Variants in SYNE1 observed in about 807,000 individuals in gnomAD.
SYNE1 encodes nesprin-1.
In SYNE1, 616 loss-of-function variants were observed where a neutral mutation model predicts 1,111.0. The ratio of observed to expected loss-of-function variants is 0.55; its 90% CI spans 0.52 to 0.59. The LOEUF (loss-of-function observed/expected upper bound fraction) is 0.59, where lower values mean the gene tolerates loss of function less well. Among genes scored for constraint, SYNE1 ranks in the 20% least tolerant of loss-of-function variants. SYNE1 has a pLI of 0.00. For synonymous variants in SYNE1, 3,855 were observed against 3,825.8 expected, an observed-to-expected ratio of 1.01 and a Z score of -0.28; for missense variants, 10,006 against 10,417.0, an observed-to-expected ratio of 0.96 and a Z score of 1.72.
rs150902491 is a variant in SYNE1 at position 152,330,386 on chromosome 6, C to T, written c.14299G>A (p.Glu4767Lys). The T allele has an allele frequency of 7.4e-6, 12 of 1,614,156 alleles. No individual in the cohort carries two copies. Among genetic ancestry groups the T allele is most frequent in the South Asian group, 1.1e-5 (1 of 91,084 alleles). The change falls in exon 78 of 146, where the codon GAA (glutamate) becomes AAA (lysine). Residue 4767 changes from glutamate to lysine, a missense_variant. Physicochemically the swap from Glu to Lys is moderately conservative, Grantham distance 56. Transcript: ENST00000367255. The stretch of plus-strand genomic sequence containing the variant: ...TCTTCTAATAAGCTAACCCTCTGTT[C>T]TGTTTGTCGCTTCAGCCTGTGATAT... ...TLYHRLKRQT[E>K]QRVSLLEDTT... is the part of the protein sequence containing the mutation.
In SYNE1 at chr6:152,399,662, G is replaced by A; in HGVS notation, c.7191C>T (p.Ser2397=). ...ATTCCTGCAGGCTGGCCTGGGTTTT[G>A]GAGCACAACTGGCTCACGGCTTCAT... is the stretch of plus-strand genomic sequence containing the variant. ...KKHEAVSQLC[S]KTQASLQESL... Residue 2397 remains serine (S), a synonymous_variant, in exon 48 of 146, where the codon TCC becomes TCT. Transcript: ENST00000367255. The A allele has an allele frequency of 1.2e-6, 2 of 1,614,100 alleles. No homozygotes were observed.
Position 152,213,701 on chromosome 6 carries a change from T to A in SYNE1, c.22405A>T (p.Met7469Leu). Residue 7469 changes from methionine (M) to leucine (L), a missense_variant, in exon 123 of 146, where the codon ATG becomes TTG. Around this residue, in one of 7 missense-constraint regions of SYNE1, gnomAD observed 2,182 missense variants for 2,287.8 expected, o/e 0.95. Transcript: ENST00000367255. ...QTFLEKCETW[M>L]EFLVQTEQKL... ...TGTTCTGTCTGAACTAGGAATTCCATCCATGTTTCACATTTTTCCAAGAAA... is the reference window on the plus strand; with the variant it reads ...TGTTCTGTCTGAACTAGGAATTCCAACCATGTTTCACATTTTTCCAAGAAA... 6.2e-7 allele frequency: 1 copy of A among 1,614,154 alleles called. No individual in the cohort carries two copies.
intron 61 of SYNE1, 86 bp from the exon 62 acceptor site, chr6:152,367,468 C>T: frequency 6.6e-7 from 1 of 1,507,756 alleles, no homozygotes; most frequent in Middle Eastern, 1.7e-4. Context: ...CAAAGGCAAT[C>T]AGTCATGGCT....
intron 81 of SYNE1, among the ~76,000 whole-genome samples, chr6:152,324,499 A>G (rs935445429): frequency 1.2e-4 from 19 of 152,206 alleles, no homozygotes; most frequent in African/African-American, 4.6e-4. Context: ...CAAGGCCGTT[A>G]AGAAAGCAAA....
chr6:152,598,791 T>C (rs1565096746), intron 3 of SYNE1, among the ~76,000 whole-genome samples: 1 of 152,222 alleles, frequency 6.6e-6, no homozygotes, highest in African/African-American at 2.4e-5. Context: ...ATACATTCAA[T>C]ATGTGATCTA....
At chr6:152,566,839 T>C (rs1399101755) in intron 3 of SYNE1, among the ~76,000 whole-genome samples, 1 of 152,224 alleles carries the variant, frequency 6.6e-6, no homozygotes, top group East Asian at 1.9e-4. Flanking sequence ...TTTGTGGCAC[T>C]GCCAAGCATC....
chr6:152,201,715 A>G lies in SYNE1; in HGVS notation c.23145+109T>C, dbSNP rs2075491668. ...GCCTGTCCTTATGTCATATACTAGG[A>G]TCTTGTATCTGCATGTAGATAACCT... On this transcript the variant is annotated intron_variant, in intron 127 of 145. Transcript: ENST00000367255. 5 of 1,525,712 alleles carry G rather than the reference A, an allele frequency of 3.3e-6. No individual in the cohort carries two copies. In the Admixed American group the frequency reaches 5.0e-5, roughly 15 times the overall value. 94.5% of individuals were successfully genotyped at this position (1,525,712 alleles called of 1,614,324 possible). A position where few individuals can be genotyped will look rare whatever the true frequency, so the allele number is the denominator to read the frequency against.
intron 10 of SYNE1, among the ~76,000 whole-genome samples, chr6:152,501,799 A>G (rs1311532832): frequency 2.6e-5 from 4 of 152,218 alleles, no homozygotes; most frequent in Non-Finnish European, 4.4e-5. Context: ...TCATAAAAGC[A>G]TTGCTTATAA....
intron 3 of SYNE1, among the ~76,000 whole-genome samples, chr6:152,567,028 C>A (rs1466211965): frequency 7.1e-6 from 1 of 141,042 alleles, no homozygotes; most frequent in African/African-American, 2.7e-5. Context: ...TGTGTGTATG[C>A]GTGTGTGGCA....
chr6:152,352,068 T>C lies in SYNE1; in HGVS notation c.11539A>G (p.Met3847Val), dbSNP rs1313484267. ...TGAGCTTTTTTCTCATATAATTCCA[T>C]TTTGGGTTCTTCAGGAACATGTAGA... ...EILHVPEEPK[M>V]ELYEKKAQLS... The change falls in exon 70 of 146, where the codon ATG (methionine) becomes GTG (valine). Residue 3847 changes from methionine (M) to valine (V), a missense_variant. Physicochemically the swap from Met to Val is conservative, Grantham distance 21. Coordinates refer to ENST00000367255, the MANE Select transcript of SYNE1 (RefSeq NM_182961.4). The C allele has an allele frequency of 6.2e-7, 1 of 1,614,088 alleles. No homozygotes were observed. The highest frequency in any genetic ancestry group is 8.5e-7 in the Non-Finnish European group (1 of 1,180,032).
At chr6:152,476,874 A>AG (rs2098837946) in intron 14 of SYNE1, among the ~76,000 whole-genome samples, 1 of 146,254 alleles carries the variant, frequency 6.8e-6, no homozygotes, top group African/African-American at 2.5e-5. Flanking sequence ...ATCTAAAAAA[A>AG]AAAAAAAGAA....
intron 32 of SYNE1, among the ~76,000 whole-genome samples, chr6:152,438,154 TA>T (rs2098492060): frequency 6.6e-6 from 1 of 152,224 alleles, no homozygotes; most frequent in East Asian, 1.9e-4. Flanking sequence ...GTCACAACAT[TA>T]AATTCTTTGG....
intron 11 of SYNE1, among the ~76,000 whole-genome samples, chr6:152,497,476 G>A (rs2099005931): frequency 6.6e-6 from 1 of 152,148 alleles, no homozygotes; most frequent in Non-Finnish European, 1.5e-5. Flanking sequence ...GGTACCAGAG[G>A]TCAGTGTGGC....
intron 14 of SYNE1, among the ~76,000 whole-genome samples, chr6:152,475,230 T>C (rs1202995956): frequency 6.6e-6 from 1 of 152,196 alleles, no homozygotes. Context: ...AGAAGCATTA[T>C]AAGTACAGTC....
chr6:152,294,120 G>A lies in SYNE1; in HGVS notation c.17690C>T (p.Ala5897Val), dbSNP rs746486683. The change falls in exon 94 of 146, where the codon GCA (alanine) becomes GTA (valine). Residue 5897 changes from alanine to valine, a missense_variant. Physicochemically the swap from Ala to Val is moderately conservative, Grantham distance 64. Coordinates refer to ENST00000367255, the MANE Select transcript of SYNE1 (RefSeq NM_182961.4). ...NTDASVNQDI[A>V]YYQALSAERL... ...CTCAGCAGACAAGGCTTGGTAATAT[G>A]CAATGTCCTGTGAGTGCAAAGCACA... The A allele has an allele frequency of 2.5e-6, 4 of 1,613,488 alleles. No individual in the cohort carries two copies. The highest frequency in any genetic ancestry group is 3.4e-6 in the Non-Finnish European group (4 of 1,179,976).
intron 3 of SYNE1, among the ~76,000 whole-genome samples, chr6:152,621,306 A>G (rs886158757): frequency 2.6e-5 from 4 of 152,214 alleles, no homozygotes; most frequent in South Asian, 2.1e-4. Flanking sequence ...TAATTTTGCT[A>G]TATGTGTTTA....
In SYNE1 at chr6:152,399,680, G is replaced by A. The variant is rs774341012; in HGVS notation, c.7173C>T (p.Ala2391=). The A allele has an allele frequency of 1.4e-5, 22 of 1,614,120 alleles. No homozygotes were observed. In the East Asian group the frequency reaches 2.5e-4, roughly 18 times the overall value. The part of the protein sequence containing the change: ...AMTGLIKKHE[A]VSQLCSKTQA... ...GGGTTTTGGAGCACAACTGGCTCAC[G>A]GCTTCATGTTTCTTTATCAGACCAG... The change falls in exon 48 of 146, where the codon GCC becomes GCT. Residue 2391 remains alanine, a synonymous_variant. Coordinates refer to ENST00000367255, the MANE Select transcript of SYNE1 (RefSeq NM_182961.4).
intron 3 of SYNE1, among the ~76,000 whole-genome samples, 193 bp downstream of exon 3, chr6:152,628,072 A>T (rs1348533851): frequency 6.8e-6 from 1 of 146,320 alleles, no homozygotes; most frequent in East Asian, 2.1e-4. Context: ...CTGTATTTTT[A>T]TCTTTTCCTT....
At chr6:152,611,068 T>C (rs944586524) in intron 3 of SYNE1, among the ~76,000 whole-genome samples, 2 of 152,214 alleles carry the variant, frequency 1.3e-5, no homozygotes, top group African/African-American at 4.8e-5. Context: ...CCATTGATGC[T>C]ATGAAGAAAC....
Sources: gnomAD v4.1 joint callset for allele counts (sites outside exome capture counted in the v4.1 genomes callset) on GRCh38, gnomAD v4.1.1 for gene constraint, gnomAD v4.1.1 regional missense constraint, MANE v1.5 for transcripts, NCBI Gene and HGNC (gene_info 2026-07-23, HGNC 2026-07-21) for gene names.